The following DLC1 variants were observed in gnomAD, a reference collection of about 807,000 sequenced individuals.
The protein encoded by DLC1 is rho GTPase-activating protein 7.
DLC1 carries 54 observed loss-of-function variants against 140.3 expected under a neutral mutation model. The ratio of observed to expected loss-of-function variants is 0.38; its 90% CI spans 0.31 to 0.48. DLC1 has a LOEUF of 0.48. Ranked by LOEUF, DLC1 falls within the 20% of genes least tolerant of loss-of-function variation. The probability of loss-of-function intolerance (pLI) is 0.96; values close to 1 mark genes in which losing one functional copy is unlikely to be tolerated. For missense variants in DLC1, 2,536 were observed against 1,907.0 expected, an observed-to-expected ratio of 1.33 and a Z score of -6.14; for synonymous variants, 986 against 728.1, an observed-to-expected ratio of 1.35 and a Z score of -5.70.
intron 5 of DLC1, among the ~76,000 whole-genome samples, chr8:13,220,138 G>A (rs1475460780): frequency 6.6e-6 from 1 of 152,046 alleles, no homozygotes; most frequent in Non-Finnish European, 1.5e-5. Flanking sequence ...TATACAAAAT[G>A]CCCTTGGATT....
intron 2 of DLC1, among the ~76,000 whole-genome samples, chr8:13,462,567 C>G (rs1799721796): frequency 8.3e-6 from 1 of 120,618 alleles, no homozygotes; most frequent in African/African-American, 3.2e-5. Flanking sequence ...CCACGCCCAG[C>G]TATTTTTTTT....
intron 5 of DLC1, chr8:13,133,294 C>G: frequency 1.6e-6 from 2 of 1,263,054 alleles, no homozygotes; most frequent in Non-Finnish European, 2.0e-6. Flanking sequence ...CGAACTGTCT[C>G]CCGCGCGCTC....
chr8:13,361,385 G>C (rs1376038897), intron 4 of DLC1, among the ~76,000 whole-genome samples: 1 of 151,982 alleles, frequency 6.6e-6, no homozygotes, highest in Non-Finnish European at 1.5e-5. Context: ...CTCCTGAGCA[G>C]CTGGGACTAC....
chr8:13,458,161 C>T lies in DLC1; in HGVS notation c.1023+40888G>A, dbSNP rs60902636. On this transcript the variant is annotated intron_variant, in intron 2 of 17. Transcript: ENST00000276297. ...TATAGAACACAATGTTTAAGTCATA[C>T]ATGAACTTTAACAGACAAATTATCT... Among the ~76,000 whole-genome samples, 559 of 152,262 alleles carry T rather than the reference C, an allele frequency of 3.7e-3. 11 individuals are homozygous for T. In the South Asian group the frequency reaches 0.062, roughly 17 times the overall value.
Position 13,110,815 on chromosome 8 carries a change from A to G in DLC1, c.1429T>C (p.Phe477Leu), listed in dbSNP as rs779195730. Residue 477 changes from phenylalanine to leucine, a missense_variant, in exon 7 of 18, where the codon TTC becomes CTC. By Grantham distance (22) the Phe-to-Leu change is conservative (BLOSUM62 0). Transcript: ENST00000276297. ...QYAQLYEDFL[F>L]PIDISLVKRE... ...TTGACCAAGGAAATATCGATGGGGA[A>G]CAGGAAATCTATGAGAAAAATAAAC... 4 of 1,614,064 alleles carry G rather than the reference A, an allele frequency of 2.5e-6. No homozygotes were observed. In the South Asian group the frequency reaches 3.3e-5, roughly 13 times the overall value.
intron 2 of DLC1, among the ~76,000 whole-genome samples, chr8:13,476,586 A>C (rs1055948367): frequency 2.0e-5 from 3 of 152,118 alleles, no homozygotes; most frequent in African/African-American, 7.2e-5. Context: ...CAACAGACTC[A>C]GACCAGAGTG....
chr8:13,518,360 C>T (rs945857717), upstream of DLC1, among the ~76,000 whole-genome samples: 4 of 152,148 alleles, frequency 2.6e-5, no homozygotes, highest in African/African-American at 7.2e-5. Context: ...CTGCCTGCCT[C>T]GGCCTCCCAA....
chr8:13,305,855 C>T (rs368560187), intron 4 of DLC1, among the ~76,000 whole-genome samples: 1 of 150,098 alleles, frequency 6.7e-6, no homozygotes, highest in Non-Finnish European at 1.5e-5. Flanking sequence ...AAACTAACAA[C>T]ATTGGCAATA....
chr8:13,587,391 C>T (rs891459492), intron 1 of DLC1, among the ~76,000 whole-genome samples: 2 of 151,846 alleles, frequency 1.3e-5, no homozygotes, highest in Non-Finnish European at 2.9e-5. Flanking sequence ...AGACACTTTC[C>T]AAACAAAGCT....
intron 1 of DLC1, among the ~76,000 whole-genome samples, chr8:13,560,350 G>C (rs1392623137): frequency 6.6e-6 from 1 of 152,104 alleles, no homozygotes; most frequent in Non-Finnish European, 1.5e-5. Flanking sequence ...TTAAGTATGA[G>C]ATGTGAGCAG....
intron 5 of DLC1, among the ~76,000 whole-genome samples, chr8:13,261,249 T>C (rs370573727): frequency 6.6e-6 from 1 of 152,142 alleles, no homozygotes; most frequent in East Asian, 1.9e-4. Context: ...AGCAGAGACC[T>C]GGACAAAGTA....
intron 5 of DLC1, among the ~76,000 whole-genome samples, chr8:13,166,553 C>G (rs765790573): frequency 6.6e-6 from 1 of 152,130 alleles, no homozygotes; most frequent in Non-Finnish European, 1.5e-5. Flanking sequence ...GTTGGCCAGG[C>G]TGGCCTCGAA....
rs562665303 is a variant in DLC1 at position 13,304,805 on chromosome 8, A to C, written c.1348+464T>G. On this transcript the variant is annotated intron_variant, in intron 5 of 17. Transcript: ENST00000276297. ...AAAGCACAGAACACAGAAAAATACT[A>C]TAATTTTTTTCTTCAATACAATTAT... 1,009 of 967,358 alleles carry C rather than the reference A, an allele frequency of 1.0e-3. 2 individuals are homozygous for C. The highest frequency in any genetic ancestry group is 1.2e-3 in the Non-Finnish European group (965 of 813,294). 59.9% of individuals were successfully genotyped at this position (967,358 alleles called of 1,614,324 possible).
intron 1 of DLC1, among the ~76,000 whole-genome samples, chr8:13,573,225 T>C (rs181137078): frequency 9.2e-5 from 14 of 152,312 alleles, no homozygotes; most frequent in Middle Eastern, 6.8e-3. Context: ...TTGGTTGCCA[T>C]TGTAAATTAA....
chr8:13,337,613 T>G (rs893473466), intron 4 of DLC1, among the ~76,000 whole-genome samples: 3 of 152,140 alleles, frequency 2.0e-5, no homozygotes, highest in Non-Finnish European at 4.4e-5. Context: ...TTTAGGAGGA[T>G]AAGACAAAAT....
Position 13,374,777 on chromosome 8 carries a change from G to A in DLC1, c.1314+18776C>T, listed in dbSNP as rs1047031458. On this transcript the variant is annotated intron_variant, in intron 4 of 17. Transcript: ENST00000276297. ...AGTCTGGGTGACAGAGAGAGACTCC[G>A]TCTTGGGCAGTATGGCCATTTTCAC... Among the ~76,000 whole-genome samples, 5 of 152,230 alleles carry A rather than the reference G, an allele frequency of 3.3e-5. No homozygotes were observed. The East Asian group carries it at 5.8e-4, about 18-fold the overall frequency.
intron 1 of DLC1, among the ~76,000 whole-genome samples, chr8:13,564,866 C>G (rs1184201312): frequency 6.6e-6 from 1 of 152,094 alleles, no homozygotes; most frequent in African/African-American, 2.4e-5. Flanking sequence ...CCAAGAGAGC[C>G]TGACTGGACT....
At chr8:13,583,278 A>G (rs888561611) in intron 1 of DLC1, among the ~76,000 whole-genome samples, 2 of 152,212 alleles carry the variant, frequency 1.3e-5, no homozygotes, top group Non-Finnish European at 2.9e-5. Flanking sequence ...TTTATCAACT[A>G]AGTTTATGGA....
intron 7 of DLC1, among the ~76,000 whole-genome samples, chr8:13,105,896 T>C (rs978035640): frequency 1.4e-4 from 21 of 152,254 alleles, no homozygotes; most frequent in African/African-American, 5.1e-4. Flanking sequence ...TCCTTTCTAA[T>C]ATAAATATTA....
Sources: allele counts gnomAD v4.1 joint callset (sites outside exome capture counted in the v4.1 genomes callset), GRCh38; gene constraint gnomAD v4.1.1; transcripts MANE v1.5; gene names NCBI Gene and HGNC (gene_info 2026-07-23, HGNC 2026-07-21).